Variants in ALDH2 observed in about 807,000 individuals in gnomAD.
ALDH2 encodes the protein aldehyde dehydrogenase, mitochondrial.
ALDH2 carries 44 observed loss-of-function variants against 59.6 expected under a neutral mutation model. The observed-to-expected ratio is 0.74, with a 90% CI of 0.58 to 0.95. The LOEUF (loss-of-function observed/expected upper bound fraction) is 0.95, where lower values mean the gene tolerates loss of function less well. Among genes scored for constraint, ALDH2 ranks in the 40% least tolerant of loss-of-function variants. The probability of loss-of-function intolerance (pLI) is 0.00; values close to 1 mark genes in which losing one functional copy is unlikely to be tolerated. For synonymous variants in ALDH2, 291 were observed against 284.0 expected, an observed-to-expected ratio of 1.02 and a Z score of -0.25; for missense variants, 570 against 696.3, an observed-to-expected ratio of 0.82 and a Z score of 2.04.
intron 4 of ALDH2, among the ~76,000 whole-genome samples, chr12:111,789,352 G>T (rs988890028): frequency 2.0e-5 from 3 of 151,574 alleles, no homozygotes; most frequent in Admixed American, 1.3e-4. Flanking sequence ...AGAAGGTCAG[G>T]CATGGTGGCA....
At position 111,790,571 on chromosome 12, in the gene ALDH2, C is replaced by T. The variant is rs1183233953; in HGVS notation, c.681+9C>T. On this transcript the variant is annotated intron_variant, in intron 6 of 12. Transcript: ENST00000261733. The stretch of plus-strand genomic sequence containing the variant: ...CCAACCTGATCAAGGAGGTGCGTGG[C>T]TTATCCTGGTCTTAACCTCTAAATG... 1 of 1,614,096 alleles carries T rather than the reference C, an allele frequency of 6.2e-7. No homozygotes were observed. Among genetic ancestry groups the T allele is most frequent in the Middle Eastern group, 1.6e-4 (1 of 6,062 alleles).
At chr12:111,786,234 TG>T (rs2068307557) in intron 4 of ALDH2, among the ~76,000 whole-genome samples, 1 of 152,116 alleles carries the variant, frequency 6.6e-6, no homozygotes, top group East Asian at 1.9e-4. Context: ...ATTGATTGAT[TG>T]ATTATTATTA....
chr12:111,776,456 G>C (rs901732963), intron 1 of ALDH2, among the ~76,000 whole-genome samples: 1 of 152,026 alleles, frequency 6.6e-6, no homozygotes, highest in Non-Finnish European at 1.5e-5. Flanking sequence ...ATCTGTGAGG[G>C]ATGGAGTCAG....
chr12:111,801,874 G>C (rs1001009813), intron 11 of ALDH2, among the ~76,000 whole-genome samples: 5 of 152,150 alleles, frequency 3.3e-5, no homozygotes, highest in Non-Finnish European at 7.4e-5. Flanking sequence ...TTCTTTCAGT[G>C]TGATAGAAAT....
intron 11 of ALDH2, 73 bp downstream of exon 11, chr12:111,800,136 G>T: frequency 2.7e-6 from 4 of 1,482,278 alleles, no homozygotes; most frequent in Non-Finnish European, 3.6e-6. Flanking sequence ...GAATCTGGTG[G>T]TCACCATCCT....
At chr12:111,795,717 G>A (rs1312291519) in intron 9 of ALDH2, among the ~76,000 whole-genome samples, 3 of 148,990 alleles carry the variant, frequency 2.0e-5, no homozygotes, top group Admixed American at 1.4e-4. Flanking sequence ...TCAGTCTCCC[G>A]AGTAGCTGAG....
chr12:111,781,389 C>T (rs1182649724), intron 1 of ALDH2, among the ~76,000 whole-genome samples: 1 of 152,116 alleles, frequency 6.6e-6, no homozygotes, highest in Non-Finnish European at 1.5e-5. Context: ...CAGGGGAAGC[C>T]AGCTGCCATG....
At chr12:111,775,536 G>A in intron 1 of ALDH2, 1 of 404,984 alleles carries the variant, frequency 2.5e-6, no homozygotes. Context: ...AAAACAAAGT[G>A]AGATGTATTT....
At chr12:111,778,010 T>C (rs974099656) in intron 1 of ALDH2, among the ~76,000 whole-genome samples, 1 of 152,124 alleles carries the variant, frequency 6.6e-6, no homozygotes. Context: ...GCGGAACAAA[T>C]TTCAGCCTGG....
In ALDH2 at chr12:111,790,332, G is replaced by A; in HGVS notation, c.553-102G>A. On this transcript the variant is annotated intron_variant, in intron 5 of 12. Coordinates refer to ENST00000261733, the MANE Select transcript of ALDH2 (RefSeq NM_000690.4). ...TAGGGGAGGACACGCAGGGTTCAGA[G>A]AACTCGGTGCTGCTTCTGCCCTCTG... is the stretch of plus-strand genomic sequence containing the variant. 3 of 1,490,020 alleles carry A rather than the reference G, an allele frequency of 2.0e-6. 1 individual carries two copies. Among genetic ancestry groups the A allele is most frequent in the South Asian group, 2.4e-5 (2 of 81,712 alleles). The allele number at this position is 1,490,020 out of a possible 1,614,324, so 92.3% of individuals were successfully genotyped here.
chr12:111,769,782 C>T (rs2068186080), intron 1 of ALDH2, among the ~76,000 whole-genome samples: 1 of 152,000 alleles, frequency 6.6e-6, no homozygotes, highest in Non-Finnish European at 1.5e-5. Context: ...GGCCTTATTG[C>T]TGACTCAGCA....
At position 111,810,108 on chromosome 12, in the gene ALDH2, G is replaced by C. The variant is rs1286881719; in HGVS notation, c.*533G>C. 1.8e-5 allele frequency: 3 copies of C among 165,912 alleles called. No homozygotes were observed. Among genetic ancestry groups the C allele is most frequent in the Non-Finnish European group, 3.9e-5 (3 of 76,356 alleles). The allele number at this position is 165,912 out of a possible 1,614,324, so 10.3% of individuals were successfully genotyped here. On this transcript the variant is annotated 3_prime_UTR_variant, in exon 13 of 13. Coordinates refer to ENST00000261733, the MANE Select transcript of ALDH2 (RefSeq NM_000690.4). ...ACTCGAGGTCAGGAGTTTGAGACCA[G>C]CCTGGCCAACGTAGTGAAACCCTGT...
intron 5 of ALDH2, 83 bp from the exon 6 acceptor site, chr12:111,790,351 C>T: frequency 6.4e-7 from 1 of 1,572,074 alleles, no homozygotes; most frequent in South Asian, 1.2e-5. Context: ...GCTGCTTCTG[C>T]CCTCTGGGGT....
chr12:111,799,776 TC>T, intron 10 of ALDH2, 129 bp from the exon 11 acceptor site: 1 of 1,141,312 alleles, frequency 8.8e-7, no homozygotes, highest in Non-Finnish European at 1.2e-6. Context: ...GCTGTTGTCT[TC>T]CCCTGGAACT....
intron 1 of ALDH2, among the ~76,000 whole-genome samples, chr12:111,768,402 G>A (rs1331896541): frequency 6.6e-6 from 1 of 152,216 alleles, no homozygotes. Context: ...TGTGATTTTA[G>A]GGGATGTTAC....
chr12:111,788,260 G>A (rs2068328335), intron 4 of ALDH2, among the ~76,000 whole-genome samples: 1 of 152,118 alleles, frequency 6.6e-6, no homozygotes, highest in African/African-American at 2.4e-5. Flanking sequence ...CACAACAGGT[G>A]CACACAGCCA....
At chr12:111,770,257 G>A (rs2068189498) in intron 1 of ALDH2, among the ~76,000 whole-genome samples, 1 of 152,156 alleles carries the variant, frequency 6.6e-6, no homozygotes, top group Non-Finnish European at 1.5e-5. Flanking sequence ...CATGGCCACT[G>A]GTGCCTCCAT....
At chr12:111,790,938 A>G (rs1373328741) in intron 6 of ALDH2, among the ~76,000 whole-genome samples, 1 of 152,108 alleles carries the variant, frequency 6.6e-6, no homozygotes, top group East Asian at 1.9e-4. Flanking sequence ...AGTCCCAACT[A>G]CTTGGGAGGT....
rs1456214366 is a variant in ALDH2 at position 111,810,490 on chromosome 12, T to C, written c.*915T>C. On this transcript the variant is annotated 3_prime_UTR_variant, in exon 13 of 13. Transcript: ENST00000261733. Reference sequence around the variant, plus strand: ...TGTTTCATGCATTTAATTTGTTTCATGCATTTAACTTCTGGCCTGTTTACC... The same window carrying C: ...TGTTTCATGCATTTAATTTGTTTCACGCATTTAACTTCTGGCCTGTTTACC... 6.6e-6 allele frequency: 1 copy of C among 152,220 alleles called. No homozygotes were observed. Among genetic ancestry groups the C allele is most frequent in the Non-Finnish European group, 1.5e-5 (1 of 68,048 alleles). 9.4% of individuals were successfully genotyped at this position (152,220 alleles called of 1,614,324 possible).
Sources: allele counts gnomAD v4.1 joint callset (sites outside exome capture counted in the v4.1 genomes callset), GRCh38; gene constraint gnomAD v4.1.1; transcripts MANE v1.5; gene names NCBI Gene and HGNC (gene_info 2026-07-23, HGNC 2026-07-21).